The following LRRCC1 variants were observed in gnomAD, a reference collection of about 807,000 sequenced individuals.
LRRCC1 encodes the protein leucine rich repeat and coiled-coil centrosomal protein 1, also known as leucine-rich repeat and coiled-coil domain-containing protein 1.
In LRRCC1, 115 loss-of-function variants were observed where a neutral mutation model predicts 126.0. The observed-to-expected ratio is 0.91, with a 90% CI of 0.78 to 1.07. The LOEUF (loss-of-function observed/expected upper bound fraction) is 1.07. Among genes scored for constraint, LRRCC1 ranks in the 50% least tolerant of loss-of-function variants. LRRCC1 has a pLI of 0.00. For synonymous variants in LRRCC1, 400 were observed against 393.4 expected, an observed-to-expected ratio of 1.02 and a Z score of -0.20; for missense variants, 1,172 against 1,175.7, an observed-to-expected ratio of 1.00 and a Z score of 0.05.
At chr8:85,143,247 G>C (rs995850295) in intron 18 of LRRCC1, among the ~76,000 whole-genome samples, 2 of 152,088 alleles carry the variant, frequency 1.3e-5, no homozygotes, top group African/African-American at 4.8e-5. Context: ...CTTGAACCCA[G>C]GAGGCAGAAT....
chr8:85,109,920 T>C (rs1808569742), intron 2 of LRRCC1, 120 bp downstream of exon 2: 3 of 633,022 alleles, frequency 4.7e-6, no homozygotes, highest in Non-Finnish European at 7.9e-6. Context: ...AAACTCATTA[T>C]ACAAAATATT....
chr8:85,136,310 C>T (rs1455460728), intron 14 of LRRCC1, among the ~76,000 whole-genome samples: 6 of 150,992 alleles, frequency 4.0e-5, no homozygotes, highest in Admixed American at 1.3e-4. Flanking sequence ...GTTTTGCTCT[C>T]GTTGCCCAGG....
Position 85,120,071 on chromosome 8 carries a change from C to T in LRRCC1, c.931-3342C>T, listed in dbSNP as rs111372972. ...TTATTGGTCCTTGATTTCTGATTTACTTCCATTTTGTTCAGAGAACATATT... is the reference window on the plus strand; with the variant it reads ...TTATTGGTCCTTGATTTCTGATTTATTTCCATTTTGTTCAGAGAACATATT... On this transcript the variant is annotated intron_variant, in intron 6 of 18. Coordinates refer to ENST00000360375, the MANE Select transcript of LRRCC1 (RefSeq NM_033402.5). Among the ~76,000 whole-genome samples, 1,047 of 152,130 alleles carry T rather than the reference C, an allele frequency of 6.9e-3. 7 individuals are homozygous for T. Among genetic ancestry groups the T allele is most frequent in the Non-Finnish European group, 0.01 (688 of 67,958 alleles).
At position 85,109,681 on chromosome 8, in the gene LRRCC1, T is replaced by C; in HGVS notation, c.191T>C (p.Ile64Thr). The C allele has an allele frequency of 6.2e-7, 1 of 1,610,104 alleles. No individual in the cohort carries two copies. Among genetic ancestry groups the C allele is most frequent in the Non-Finnish European group, 8.5e-7 (1 of 1,176,658 alleles). ...NISKIEAIDHIWNLQHLDLSS... is the reference protein window; with the variant it reads ...NISKIEAIDHTWNLQHLDLSS... ...TCCAAGATCGAAGCCATTGATCATATTTGGAATTTACAACATCTAGATCTG... is the reference window on the plus strand; with the variant it reads ...TCCAAGATCGAAGCCATTGATCATACTTGGAATTTACAACATCTAGATCTG... Residue 64 changes from isoleucine (I) to threonine (T), a missense_variant, in exon 2 of 19, where the codon ATT becomes ACT. Physicochemically the swap from Ile to Thr is moderately conservative, Grantham distance 89. Coordinates refer to ENST00000360375, the MANE Select transcript of LRRCC1 (RefSeq NM_033402.5).
At chr8:85,115,296 T>A (rs1563932190) in intron 5 of LRRCC1, 21 bp downstream of exon 5, 1 of 1,571,580 alleles carries the variant, frequency 6.4e-7, no homozygotes, top group Non-Finnish European at 8.6e-7. Flanking sequence ...TACTTTTTTT[T>A]TCCTAATATA....
chr8:85,123,304 T>C (rs977377326), intron 6 of LRRCC1, 109 bp from the exon 7 acceptor site: 1 of 734,032 alleles, frequency 1.4e-6, no homozygotes, highest in African/African-American at 1.9e-5. Context: ...ACATTTCTAG[T>C]TTATAAACCC....
intron 18 of LRRCC1, among the ~76,000 whole-genome samples, chr8:85,144,434 G>GTA (rs1811488930): frequency 4.7e-5 from 1 of 21,262 alleles, no homozygotes; most frequent in Non-Finnish European, 8.6e-5. Context: ...GTGTATGTGT[G>GTA]TGTGTGTGTG....
At chr8:85,144,985 C>G (rs1005819887) in intron 18 of LRRCC1, among the ~76,000 whole-genome samples, 1 of 150,384 alleles carries the variant, frequency 6.6e-6, no homozygotes, top group East Asian at 2.0e-4. Context: ...GAGGCTGAGG[C>G]AGGAGAATAG....
At chr8:85,107,420 A>C (rs1808321251) in intron 1 of LRRCC1, 21 bp downstream of exon 1, 1 of 1,588,750 alleles carries the variant, frequency 6.3e-7, no homozygotes, top group South Asian at 1.1e-5. Context: ...CTCCGCAGCC[A>C]GGAGCGACCC....
chr8:85,129,069 C>T (rs976247380), intron 9 of LRRCC1, 106 bp from the exon 10 acceptor site: 2 of 807,588 alleles, frequency 2.5e-6, no homozygotes, highest in Admixed American at 2.3e-5. Flanking sequence ...GAGTTGAGAG[C>T]ATGAACAAAG....
At chr8:85,114,841 A>T (rs944166149) in intron 4 of LRRCC1, among the ~76,000 whole-genome samples, 3 of 152,118 alleles carry the variant, frequency 2.0e-5, no homozygotes, top group Non-Finnish European at 4.4e-5. Context: ...TTTTTTAGAG[A>T]TAGTTATTTT....
Position 85,130,037 on chromosome 8 carries a change from C to T in LRRCC1, c.1745C>T (p.Ala582Val). Residue 582 changes from alanine to valine, a missense_variant, in exon 11 of 19, where the codon GCA becomes GTA. Coordinates refer to ENST00000360375, the MANE Select transcript of LRRCC1 (RefSeq NM_033402.5). ...EQAQQLHQLL[A>V]LKEQEHRKEL... ...GCGCAACAACTTCATCAACTTCTTG[C>T]ATTGAAAGAACAGGAACACAGGTAA... 6.3e-7 allele frequency: 1 copy of T among 1,590,184 alleles called. No homozygotes were observed. Among genetic ancestry groups the T allele is most frequent in the Non-Finnish European group, 8.5e-7 (1 of 1,170,996 alleles).
intron 17 of LRRCC1, among the ~76,000 whole-genome samples, chr8:85,139,133 G>A (rs746551484): frequency 2.0e-4 from 31 of 152,166 alleles, no homozygotes; most frequent in Non-Finnish European, 2.2e-4. Flanking sequence ...AAAGCAGCTA[G>A]TGATATTTTA....
intron 1 of LRRCC1, 118 bp from the exon 2 acceptor site, chr8:85,109,477 A>G: frequency 1.7e-6 from 1 of 602,652 alleles, no homozygotes; most frequent in Non-Finnish European, 2.9e-6. Context: ...CAAATAGGAA[A>G]GATTTCATTC....
rs569504553 is a variant in LRRCC1, at chr8:85,145,609, C to T, written c.*98C>T. On this transcript the variant is annotated 3_prime_UTR_variant, in exon 19 of 19. Coordinates refer to ENST00000360375, the MANE Select transcript of LRRCC1 (RefSeq NM_033402.5). ...AGTAACTGCTATGACTTTGAAATGT[C>T]TCTTTCTATACATTTCATTATGAAT... The T allele has an allele frequency of 3.1e-6, 3 of 952,978 alleles. No homozygotes were observed. In the African/African-American group the frequency reaches 5.2e-5, roughly 16 times the overall value. 59.0% of individuals were successfully genotyped at this position (952,978 alleles called of 1,614,324 possible).
Position 85,126,719 on chromosome 8 carries a change from G to C in LRRCC1, c.1303G>C (p.Glu435Gln). Residue 435 changes from glutamate (E) to glutamine (Q), a missense_variant, in exon 9 of 19, where the codon GAG (glutamate) becomes CAG (glutamine). Transcript: ENST00000360375. ...TGTTGAACAGCTAGACCAAGAGAGAGAGAAGAGATGGAGAGCTGAGCAAGC... is the reference window on the plus strand; with the variant it reads ...TGTTGAACAGCTAGACCAAGAGAGACAGAAGAGATGGAGAGCTGAGCAAGC... Reference protein sequence around the residue: ...SLVEQLDQEREKRWRAEQAEN... With the variant: ...SLVEQLDQERQKRWRAEQAEN... 6.2e-7 allele frequency: 1 copy of C among 1,612,796 alleles called. No individual in the cohort carries two copies.
Position 85,123,442 on chromosome 8 carries a change from G to A in LRRCC1, c.960G>A (p.Glu320=). Residue 320 remains glutamate, a synonymous_variant, in exon 7 of 19, where the codon GAG becomes GAA. Coordinates refer to ENST00000360375, the MANE Select transcript of LRRCC1 (RefSeq NM_033402.5). The stretch of plus-strand genomic sequence containing the variant: ...CTAATTCAATAGATAACGTTCTTGA[G>A]AAAGACCCCAGACCAAAAAGAGACA... ...ETSNSIDNVL[E]KDPRPKRDTD... 1 of 1,599,110 alleles carries A rather than the reference G, an allele frequency of 6.3e-7. No individual in the cohort carries two copies. Among genetic ancestry groups the A allele is most frequent in the Non-Finnish European group, 8.5e-7 (1 of 1,176,314 alleles).
At chr8:85,142,694 G>C (rs558950181) in intron 18 of LRRCC1, among the ~76,000 whole-genome samples, 1 of 152,240 alleles carries the variant, frequency 6.6e-6, no homozygotes, top group South Asian at 2.1e-4. Context: ...GCTGGGTGTG[G>C]TGGCGCATGC....
chr8:85,139,486 G>T (rs991986061), intron 17 of LRRCC1, among the ~76,000 whole-genome samples: 4 of 152,022 alleles, frequency 2.6e-5, no homozygotes, highest in Admixed American at 2.6e-4. Context: ...GTCTGGTCTC[G>T]AACTCCTGAC....
Sources: gnomAD v4.1 joint callset for allele counts (sites outside exome capture counted in the v4.1 genomes callset) on GRCh38, gnomAD v4.1.1 for gene constraint, MANE v1.5 for transcripts, NCBI Gene and HGNC (gene_info 2026-07-23, HGNC 2026-07-21) for gene names.